The following BTBD9 variants were observed in gnomAD, a reference collection of about 807,000 sequenced individuals.
BTBD9 encodes the protein BTB/POZ domain-containing protein 9.
In BTBD9, 49 loss-of-function variants were observed where a neutral mutation model predicts 64.3. The ratio of observed to expected loss-of-function variants is 0.76; its 90% CI spans 0.61 to 0.97. The LOEUF (loss-of-function observed/expected upper bound fraction) is 0.97, where lower values mean the gene tolerates loss of function less well. Among genes scored for constraint, BTBD9 ranks in the 50% least tolerant of loss-of-function variants. The pLI is 0.00. For synonymous variants in BTBD9, 260 were observed against 274.7 expected (o/e 0.95, Z 0.53); for missense variants, 598 against 762.1 (o/e 0.78, Z 2.53).
chr6:38,623,346 T>C lies in BTBD9; in HGVS notation c.-28+16454A>G, dbSNP rs142290159. On this transcript the variant is annotated intron_variant, in intron 1 of 10. Transcript: ENST00000481247. ...CAACTAATACCCCTACTTATAGGGA[T>C]AGGAATGGCCACTGCTACAGGAACC... Among the ~76,000 whole-genome samples, 198 of 152,288 alleles carry C rather than the reference T, an allele frequency of 1.3e-3. 1 individual carries two copies. The highest frequency in any genetic ancestry group is 4.4e-3 in the African/African-American group (184 of 41,556).
At chr6:38,327,332 G>A (rs962120683) in intron 7 of BTBD9, among the ~76,000 whole-genome samples, 5 of 152,004 alleles carry the variant, frequency 3.3e-5, no homozygotes, top group Non-Finnish European at 5.9e-5. Context: ...TATGCAAAAC[G>A]GTGACAAGCC....
At position 38,207,979 on chromosome 6, in the gene BTBD9, TA is replaced by T. The variant is rs1157264823; in HGVS notation, c.1563-15383del. ...CAAAACTGTCCATGTATAACTTTGA[TA>T]ATTTTTTTTAATTACAATTAAAAAA... On this transcript the variant is annotated intron_variant, in intron 9 of 10. Transcript: ENST00000481247. Among the ~76,000 whole-genome samples the T allele has an allele frequency of 3.9e-5, 6 of 152,194 alleles. No homozygotes were observed. The East Asian group carries it at 1.2e-3, about 29-fold the overall frequency.
intron 7 of BTBD9, among the ~76,000 whole-genome samples, chr6:38,340,283 T>A (rs1251502117): frequency 6.6e-6 from 1 of 152,152 alleles, no homozygotes; most frequent in Non-Finnish European, 1.5e-5. Flanking sequence ...GGTTTCCAAA[T>A]GTCATTTTCC....
Position 38,207,816 on chromosome 6 carries a change from T to C in BTBD9, c.1563-15219A>G, listed in dbSNP as rs550593415. On this transcript the variant is annotated intron_variant, in intron 9 of 10. Transcript: ENST00000481247. ...AACATTAAATATATTTTTTGGAATA[T>C]ATAGTTTTTTTCAAAATTACTTTTT... Among the ~76,000 whole-genome samples, 42 of 152,294 alleles carry C rather than the reference T, an allele frequency of 2.8e-4. 1 individual carries two copies. Among genetic ancestry groups the C allele is most frequent in the Admixed American group, 9.8e-4 (15 of 15,292 alleles).
chr6:38,616,924 C>T (rs775843566), intron 1 of BTBD9, among the ~76,000 whole-genome samples: 1 of 152,174 alleles, frequency 6.6e-6, no homozygotes, highest in Non-Finnish European at 1.5e-5. Flanking sequence ...GACCAGGAAC[C>T]CACCAGCAGG....
intron 6 of BTBD9, among the ~76,000 whole-genome samples, chr6:38,459,479 G>C (rs913094946): frequency 6.6e-6 from 1 of 152,180 alleles, no homozygotes; most frequent in Non-Finnish European, 1.5e-5. Context: ...TGTAAATGCT[G>C]GTGTATGAAT....
At chr6:38,397,815 G>C (rs1294899706) in intron 6 of BTBD9, among the ~76,000 whole-genome samples, 6 of 152,236 alleles carry the variant, frequency 3.9e-5, no homozygotes, top group Admixed American at 3.9e-4. Context: ...TGAGGGGTTA[G>C]TTAAGTTTGG....
At chr6:38,480,574 A>G (rs1320108615) in intron 6 of BTBD9, among the ~76,000 whole-genome samples, 3 of 152,198 alleles carry the variant, frequency 2.0e-5, no homozygotes, top group Admixed American at 2.0e-4. Context: ...TGGGACCCTG[A>G]GACTACCTCC....
intron 6 of BTBD9, among the ~76,000 whole-genome samples, chr6:38,522,350 T>G (rs1239855891): frequency 1.1e-5 from 1 of 94,612 alleles, no homozygotes; most frequent in African/African-American, 3.4e-5. Flanking sequence ...CATTTATACT[T>G]CTCAAATTAA....
Position 38,325,451 on chromosome 6 carries a change from C to T in BTBD9, c.1264+19533G>A, listed in dbSNP as rs528164178. Among the ~76,000 whole-genome samples, 48 of 152,240 alleles carry T rather than the reference C, an allele frequency of 3.2e-4. No individual in the cohort carries two copies. The South Asian group carries it at 8.3e-3, about 26-fold the overall frequency. ...CTGTAATCCCAGCACTTTGGGAGGC[C>T]GAGGCGGGCGGATCATGAGGTCAGG... On this transcript the variant is annotated intron_variant, in intron 7 of 10. Transcript: ENST00000481247.
At chr6:38,465,540 A>G (rs1770311755) in intron 6 of BTBD9, among the ~76,000 whole-genome samples, 2 of 147,772 alleles carry the variant, frequency 1.4e-5, no homozygotes, top group South Asian at 4.3e-4. Flanking sequence ...CTGAGGCAGG[A>G]GAATGGTATG....
At chr6:38,198,038 A>C (rs1252519260) in intron 9 of BTBD9, among the ~76,000 whole-genome samples, 2 of 152,250 alleles carry the variant, frequency 1.3e-5, no homozygotes, top group African/African-American at 2.4e-5. Flanking sequence ...AATAAAAAAG[A>C]CTTGAAGTAT....
intron 6 of BTBD9, among the ~76,000 whole-genome samples, chr6:38,572,951 C>T (rs745781912): frequency 6.6e-6 from 1 of 151,794 alleles, no homozygotes; most frequent in Non-Finnish European, 1.5e-5. Context: ...CAATAAAACA[C>T]TAAAAATGCG....
intron 6 of BTBD9, among the ~76,000 whole-genome samples, chr6:38,357,275 C>G (rs1764762333): frequency 6.6e-6 from 1 of 152,176 alleles, no homozygotes; most frequent in South Asian, 2.1e-4. Context: ...AATTCCTAAG[C>G]CTTTGAGAAT....
intron 7 of BTBD9, among the ~76,000 whole-genome samples, chr6:38,332,704 C>A (rs754090306): frequency 3.3e-5 from 5 of 151,846 alleles, no homozygotes; most frequent in Non-Finnish European, 7.4e-5. Flanking sequence ...ATTAAAAAAA[C>A]ACACACATAA....
chr6:38,179,960 C>T (rs1332504419), intron 10 of BTBD9: 3 of 400,250 alleles, frequency 7.5e-6, no homozygotes, highest in Non-Finnish European at 1.5e-5. Context: ...CTTGGCACCT[C>T]ACTCCTGGCA....
chr6:38,399,601 C>T (rs900099293), intron 6 of BTBD9, among the ~76,000 whole-genome samples: 1 of 151,664 alleles, frequency 6.6e-6, no homozygotes, highest in Non-Finnish European at 1.5e-5. Context: ...TCCAAGAATC[C>T]ATCTATTCTC....
chr6:38,490,223 C>T lies in BTBD9; in HGVS notation c.1154+87377G>A, dbSNP rs142794512. Reference sequence around the variant, plus strand: ...TCCTGGGTTTGCTGCTTGCTTGCTGCAAGTCCTTAGGCAAATCTCCCATTC... The same window carrying T: ...TCCTGGGTTTGCTGCTTGCTTGCTGTAAGTCCTTAGGCAAATCTCCCATTC... On this transcript the variant is annotated intron_variant, in intron 6 of 10. Coordinates refer to ENST00000481247, the MANE Select transcript of BTBD9 (RefSeq NM_001099272.2). Among the ~76,000 whole-genome samples, 89 of 152,332 alleles carry T rather than the reference C, an allele frequency of 5.8e-4. 1 individual carries two copies. The highest frequency in any genetic ancestry group is 1.9e-3 in the African/African-American group (80 of 41,578).
intron 6 of BTBD9, among the ~76,000 whole-genome samples, chr6:38,521,277 C>T (rs1339184774): frequency 6.6e-6 from 1 of 151,992 alleles, no homozygotes; most frequent in Non-Finnish European, 1.5e-5. Flanking sequence ...GAAATAGTAC[C>T]TTACTATTAC....
Sources: gnomAD v4.1 joint callset for allele counts (sites outside exome capture counted in the v4.1 genomes callset) on GRCh38, gnomAD v4.1.1 for gene constraint, MANE v1.5 for transcripts, NCBI Gene and HGNC (gene_info 2026-07-23, HGNC 2026-07-21) for gene names.